The following PPFIBP2 variants were observed in gnomAD, a reference collection of about 807,000 sequenced individuals.
The protein encoded by PPFIBP2 is liprin-beta-2.
A neutral mutation model predicts 118.3 loss-of-function variants in PPFIBP2; 118 were observed. That is an observed-to-expected ratio of 1.00 (90% CI 0.86 to 1.16). The LOEUF (loss-of-function observed/expected upper bound fraction) is 1.16, where lower values mean the gene tolerates loss of function less well. Among genes scored for constraint, PPFIBP2 ranks in the 50% most tolerant of loss-of-function variants. The pLI is 0.00. For missense variants in PPFIBP2, 1,195 were observed against 1,073.1 expected, an observed-to-expected ratio of 1.11 and a Z score of -1.59; for synonymous variants, 414 against 397.4, an observed-to-expected ratio of 1.04 and a Z score of -0.50.
intron 3 of PPFIBP2, among the ~76,000 whole-genome samples, chr11:7,585,101 A>G (rs1309831844): frequency 6.6e-6 from 1 of 152,246 alleles, no homozygotes; most frequent in Non-Finnish European, 1.5e-5. Context: ...AAGAGCCATC[A>G]TATAATTTAA....
chr11:7,632,057 C>T (rs541025150), intron 11 of PPFIBP2, among the ~76,000 whole-genome samples: 1 of 152,204 alleles, frequency 6.6e-6, no homozygotes, highest in Non-Finnish European at 1.5e-5. Context: ...GCCTGTGATG[C>T]TAGGTGCACT....
intron 3 of PPFIBP2, among the ~76,000 whole-genome samples, chr11:7,572,658 C>A (rs1008673648): frequency 6.6e-6 from 1 of 152,250 alleles, no homozygotes; most frequent in African/African-American, 2.4e-5. Context: ...GCCAGAGATA[C>A]ACTACCAAGA....
chr11:7,623,008 A>G (rs1487292256), intron 7 of PPFIBP2, among the ~76,000 whole-genome samples: 1 of 152,210 alleles, frequency 6.6e-6, no homozygotes, highest in African/African-American at 2.4e-5. Flanking sequence ...CACACATTTT[A>G]TCATCCATAA....
At chr11:7,579,477 G>C (rs1312882929) in intron 3 of PPFIBP2, among the ~76,000 whole-genome samples, 2 of 152,108 alleles carry the variant, frequency 1.3e-5, no homozygotes, top group African/African-American at 4.8e-5. Flanking sequence ...GATACTGAAA[G>C]GAAATATGTA....
At chr11:7,538,397 G>A (rs985299440) in intron 1 of PPFIBP2, 1 of 152,652 alleles carries the variant, frequency 6.6e-6, no homozygotes, top group Non-Finnish European at 1.5e-5. Flanking sequence ...TTCTTTAGAG[G>A]ACAGTGTGCA....
rs137993219 is a variant in PPFIBP2 at position 7,652,586 on chromosome 11, G to A, written c.2437-438G>A. Among the ~76,000 whole-genome samples the A allele has an allele frequency of 5.9e-3, 898 of 152,344 alleles. 5 individuals carry two copies. The highest frequency in any genetic ancestry group is 0.02 in the African/African-American group (841 of 41,574). On this transcript the variant is annotated intron_variant, in intron 23 of 23. Transcript: ENST00000299492. Reference sequence around the variant, plus strand: ...GCAGAAACAGTGCTGGATGACGCTAGGGCAGGGAGCAACCTGGGGCTATCC... The same window carrying A: ...GCAGAAACAGTGCTGGATGACGCTAAGGCAGGGAGCAACCTGGGGCTATCC...
At chr11:7,576,284 T>C (rs934208247) in intron 3 of PPFIBP2, 16 of 152,240 alleles carry the variant, frequency 1.1e-4, no homozygotes, top group Admixed American at 6.5e-4. Context: ...GTTCCCACCG[T>C]GTAACCACAG....
In PPFIBP2 at chr11:7,653,577, C is replaced by T. The variant is rs1360487087; in HGVS notation, c.*359C>T. 1 of 1,306,636 alleles carries T rather than the reference C, an allele frequency of 7.7e-7. No individual in the cohort carries two copies. The highest frequency in any genetic ancestry group is 5.2e-5 in the East Asian group (1 of 19,160). The allele number at this position is 1,306,636 out of a possible 1,614,324, so 80.9% of individuals were successfully genotyped here. ...TCCCACGAGGCTCAGCTCTCAGGCA[C>T]CCCCTACACTTCAGTTGAGGGAAAA... is the stretch of plus-strand genomic sequence containing the variant. On this transcript the variant is annotated 3_prime_UTR_variant, in exon 24 of 24. Coordinates refer to ENST00000299492, the MANE Select transcript of PPFIBP2 (RefSeq NM_003621.5).
At chr11:7,637,264 A>C (rs1443032476) in intron 14 of PPFIBP2, among the ~76,000 whole-genome samples, 1 of 152,126 alleles carries the variant, frequency 6.6e-6, no homozygotes, top group Non-Finnish European at 1.5e-5. Context: ...CCTGGACCAG[A>C]CTTGGAGTGT....
intron 4 of PPFIBP2, chr11:7,597,274 A>G: frequency 6.5e-7 from 1 of 1,535,446 alleles, no homozygotes; most frequent in African/African-American, 1.4e-5. Flanking sequence ...TCCAGCCCAG[A>G]GGCAGCTCCT....
intron 11 of PPFIBP2, among the ~76,000 whole-genome samples, chr11:7,631,417 A>G (rs1261861666): frequency 2.0e-5 from 3 of 152,194 alleles, no homozygotes; most frequent in Admixed American, 2.0e-4. Context: ...TATTTGTTGA[A>G]TGAACGAACA....
intron 5 of PPFIBP2, among the ~76,000 whole-genome samples, chr11:7,602,087 C>CAAAAAAA (rs201003988): frequency 3.2e-4 from 18 of 56,164 alleles, no homozygotes; most frequent in African/African-American, 3.9e-4. Flanking sequence ...GAATGAAACT[C>CAAAAAAA]AAAAAAAAAA....
At chr11:7,660,086 A>G (rs201247205), downstream of PPFIBP2, among the ~76,000 whole-genome samples, 3 of 124,882 alleles carry the variant, frequency 2.4e-5, 1 homozygote, top group Non-Finnish European at 5.7e-5. Flanking sequence ...CAATCATGTC[A>G]TCTGCAAACA....
At chr11:7,665,383 GA>G in the PPFIBP2 span, 2 of 1,570,184 alleles carry the variant, frequency 1.3e-6, no homozygotes, top group Non-Finnish European at 1.7e-6. Flanking sequence ...GTTAGTAGGT[GA>G]AAATCATGTC....
intron 2 of PPFIBP2, among the ~76,000 whole-genome samples, chr11:7,565,283 TG>T (rs1344534203): frequency 6.6e-6 from 1 of 152,218 alleles, no homozygotes; most frequent in Non-Finnish European, 1.5e-5. Flanking sequence ...TATTTAAAGA[TG>T]GGGTCTCACT....
At chr11:7,651,896 C>A (rs113892795) in intron 23 of PPFIBP2, 52 bp downstream of exon 23, 9 of 1,519,288 alleles carry the variant, frequency 5.9e-6, no homozygotes, top group East Asian at 2.3e-5. Flanking sequence ...CTGGCCCTCA[C>A]GCAGCACAGC....
At chr11:7,641,239 A>G (rs1426730652) in intron 15 of PPFIBP2, among the ~76,000 whole-genome samples, 1 of 152,194 alleles carries the variant, frequency 6.6e-6, no homozygotes, top group Non-Finnish European at 1.5e-5. Flanking sequence ...TTGGACCCCA[A>G]ATCCTTAAAA....
chr11:7,607,901 AAC>A lies in PPFIBP2; in HGVS notation c.487-2386_487-2385del, dbSNP rs1304638375. Among the ~76,000 whole-genome samples the A allele has an allele frequency of 2.0e-5, 3 of 152,210 alleles. No homozygotes were observed. The East Asian group carries it at 5.8e-4, about 29-fold the overall frequency. ...AAATATCTATTTTGCAAACTGCCTA[AAC>A]ACATTTTGGGAATAAGGTAGGTAGG... On this transcript the variant is annotated intron_variant, in intron 5 of 23. Coordinates refer to ENST00000299492, the MANE Select transcript of PPFIBP2 (RefSeq NM_003621.5).
downstream of PPFIBP2, chr11:7,655,331 C>A (rs1390481161): frequency 2.3e-6 from 2 of 876,374 alleles, no homozygotes; most frequent in East Asian, 6.2e-5. Context: ...GAGAAGCATG[C>A]CCTGGAGAAG....
Sources: allele counts gnomAD v4.1 joint callset (sites outside exome capture counted in the v4.1 genomes callset), GRCh38; gene constraint gnomAD v4.1.1; transcripts MANE v1.5; gene names NCBI Gene and HGNC (gene_info 2026-07-23, HGNC 2026-07-21).